The following PDE1A variants were observed in gnomAD, a reference collection of about 807,000 sequenced individuals.
PDE1A encodes the protein dual specificity calcium/calmodulin-dependent 3',5'-cyclic nucleotide phosphodiesterase 1A.
Under a neutral mutation model 61.7 loss-of-function variants are expected in PDE1A, and 35 were observed. The ratio of observed to expected loss-of-function variants is 0.57; its 90% confidence interval spans 0.43 to 0.75. The LOEUF (loss-of-function observed/expected upper bound fraction) is 0.75. Among genes scored for constraint, PDE1A ranks in the 30% least tolerant of loss-of-function variants. PDE1A has a pLI of 0.00. For missense variants in PDE1A, 597 were observed against 630.6 expected, an observed-to-expected ratio of 0.95 and a Z score of 0.57; for synonymous variants, 232 against 213.2, an observed-to-expected ratio of 1.09 and a Z score of -0.77.
At chr2:182,397,041 G>T (rs1701744145) in intron 1 of PDE1A, among the ~76,000 whole-genome samples, 1 of 152,090 alleles carries the variant, frequency 6.6e-6, no homozygotes, top group African/African-American at 2.4e-5. Context: ...GCAAGAAATA[G>T]ATAATTGAGG....
chr2:182,212,031 TC>T (rs1687648425), intron 7 of PDE1A, among the ~76,000 whole-genome samples: 1 of 151,896 alleles, frequency 6.6e-6, no homozygotes, highest in Non-Finnish European at 1.5e-5. Context: ...ATTGCATACT[TC>T]CAGTATGATA....
intron 10 of PDE1A, among the ~76,000 whole-genome samples, chr2:182,193,558 G>C (rs1474927707): frequency 1.3e-5 from 2 of 151,930 alleles, no homozygotes; most frequent in African/African-American, 4.8e-5. Context: ...CACTAATCTA[G>C]CCTTATTTGG....
intron 7 of PDE1A, among the ~76,000 whole-genome samples, chr2:182,208,326 C>G (rs1687287215): frequency 1.3e-5 from 2 of 152,112 alleles, no homozygotes; most frequent in Non-Finnish European, 2.9e-5. Context: ...AAGGGGGAAG[C>G]AAGGCACATC....
the PDE1A span, among the ~76,000 whole-genome samples, chr2:182,598,121 T>G: frequency 3.9e-5 from 6 of 152,222 alleles, no homozygotes; most frequent in Non-Finnish European, 8.8e-5. Flanking sequence ...CCATAACAGC[T>G]TCATCTTCAA....
chr2:182,424,393 C>A (rs768704590), intron 1 of PDE1A, among the ~76,000 whole-genome samples: 5 of 152,164 alleles, frequency 3.3e-5, no homozygotes, highest in Non-Finnish European at 7.3e-5. Flanking sequence ...GATTGAGATC[C>A]AGTGTGCAAG....
chr2:182,496,942 T>G (rs941119861), intron 2 of PDE1A, among the ~76,000 whole-genome samples: 6 of 152,252 alleles, frequency 3.9e-5, no homozygotes, highest in African/African-American at 1.2e-4. Flanking sequence ...TTTTCTTTCC[T>G]GCACTGAACC....
At chr2:182,323,871 G>A (rs1202944325) in intron 1 of PDE1A, among the ~76,000 whole-genome samples, 3 of 152,166 alleles carry the variant, frequency 2.0e-5, no homozygotes, top group African/African-American at 7.2e-5. Context: ...GCGTGTCAGT[G>A]TGTTGCCACA....
chr2:182,331,024 T>C (rs1697370665), intron 1 of PDE1A, among the ~76,000 whole-genome samples: 1 of 152,176 alleles, frequency 6.6e-6, no homozygotes, highest in Non-Finnish European at 1.5e-5. Context: ...AGGTACCTTT[T>C]TACCTGCTCA....
the PDE1A span, among the ~76,000 whole-genome samples, chr2:182,626,307 G>C: frequency 6.6e-6 from 1 of 152,044 alleles, no homozygotes; most frequent in Non-Finnish European, 1.5e-5. Flanking sequence ...ACACTCAATT[G>C]AATCTGAATT....
intron 2 of PDE1A, among the ~76,000 whole-genome samples, chr2:182,449,049 T>TACAC (rs200893342): frequency 0.029 from 2,615 of 90,634 alleles, 62 homozygotes; most frequent in African/African-American, 0.07. Flanking sequence ...ATCATACACA[T>TACAC]ACACACACAC....
Position 182,230,188 on chromosome 2 carries a change from G to T in PDE1A, c.535-42C>A, listed in dbSNP as rs753985538. 1.8e-5 allele frequency: 28 copies of T among 1,546,974 alleles called. No homozygotes were observed. In the Admixed American group the frequency reaches 4.6e-4, roughly 26 times the overall value. On this transcript the variant is annotated intron_variant, in intron 5 of 13. Transcript: ENST00000351439. The stretch of plus-strand genomic sequence containing the variant: ...TTATAATTATATTTTGACCAAAAAA[G>T]TGGTACTAAATCAACCTGAGCACTG...
chr2:182,602,736 T>C, the PDE1A span, among the ~76,000 whole-genome samples: 35 of 152,004 alleles, frequency 2.3e-4, no homozygotes, highest in African/African-American at 7.5e-4. Flanking sequence ...AAAAATAGAA[T>C]AGTGGAAGAA....
chr2:182,467,134 A>G (rs1322826846), intron 2 of PDE1A, among the ~76,000 whole-genome samples: 1 of 151,650 alleles, frequency 6.6e-6, no homozygotes. Context: ...GAAGAATGAA[A>G]GAAGGGAGGG....
chr2:182,560,530 G>A, the PDE1A span, among the ~76,000 whole-genome samples: 21 of 151,300 alleles, frequency 1.4e-4, no homozygotes, highest in African/African-American at 4.6e-4. Context: ...ACATACGTGT[G>A]CATGTGTCTT....
At chr2:182,431,266 T>A (rs1703938298), upstream of PDE1A, among the ~76,000 whole-genome samples, 1 of 152,134 alleles carries the variant, frequency 6.6e-6, no homozygotes, top group Non-Finnish European at 1.5e-5. Flanking sequence ...TTTTCTCTTT[T>A]TTGACATATC....
the PDE1A span, among the ~76,000 whole-genome samples, chr2:182,713,429 G>A: frequency 3.3e-5 from 5 of 152,066 alleles, no homozygotes; most frequent in Non-Finnish European, 7.4e-5. Context: ...TCAGGAGTTC[G>A]AGACCAGCCT....
At chr2:182,629,501 TCTTA>T in the PDE1A span, among the ~76,000 whole-genome samples, 1 of 152,134 alleles carries the variant, frequency 6.6e-6, no homozygotes, top group Admixed American at 6.6e-5. Flanking sequence ...AGTGGGAGGA[TCTTA>T]CTTATGTTTC....
At chr2:182,275,459 A>G (rs963791834) in intron 1 of PDE1A, among the ~76,000 whole-genome samples, 1 of 152,144 alleles carries the variant, frequency 6.6e-6, no homozygotes, top group Non-Finnish European at 1.5e-5. Flanking sequence ...ACAGGCTAGT[A>G]GGCCCAGAAC....
chr2:182,319,823 T>G (rs770008167), intron 1 of PDE1A, among the ~76,000 whole-genome samples: 1 of 152,208 alleles, frequency 6.6e-6, no homozygotes, highest in Non-Finnish European at 1.5e-5. Context: ...TTAATTGGCA[T>G]GTAATGGGAT....
Sources: gnomAD v4.1 joint callset for allele counts (sites outside exome capture counted in the v4.1 genomes callset) on GRCh38, gnomAD v4.1.1 for gene constraint, MANE v1.5 for transcripts, NCBI Gene and HGNC (gene_info 2026-07-23, HGNC 2026-07-21) for gene names.